The following WFDC9 variants were observed in gnomAD, a reference collection of about 807,000 sequenced individuals.
WFDC9 encodes the protein WAP four-disulfide core domain 9, also known as protein WFDC9.
In WFDC9, 9 loss-of-function variants were observed where a neutral mutation model predicts 9.5. The ratio of observed to expected loss-of-function variants is 0.95; its 90% CI spans 0.57 to 1.65. WFDC9 has a LOEUF of 1.65. WFDC9 is among the 40% of genes most tolerant of loss of function. The pLI, the probability that WFDC9 is intolerant of heterozygous loss-of-function variation, is 0.00. For synonymous variants in WFDC9, 33 were observed against 32.3 expected (o/e 1.02, Z -0.07); for missense variants, 87 against 106.7 (o/e 0.82, Z 0.81).
At chr20:45,618,695 G>A (rs1162107640) in intron 1 of WFDC9, among the ~76,000 whole-genome samples, 1 of 150,890 alleles carries the variant, frequency 6.6e-6, no homozygotes, top group African/African-American at 2.4e-5. Context: ...GGGCACAGCT[G>A]GTGGCACTCC....
chr20:45,616,137 A>G (rs1981971423), intron 1 of WFDC9, among the ~76,000 whole-genome samples: 2 of 152,218 alleles, frequency 1.3e-5, no homozygotes, highest in South Asian at 2.1e-4. Flanking sequence ...ATAGCATTTT[A>G]TACACAATAG....
At chr20:45,612,276 CTG>C (rs1249853392) in intron 2 of WFDC9, among the ~76,000 whole-genome samples, 1 of 151,538 alleles carries the variant, frequency 6.6e-6, no homozygotes, top group Non-Finnish European at 1.5e-5. Flanking sequence ...TTCTATGCCT[CTG>C]TGTGTGGAGG....
chr20:45,629,882 C>T (rs1248673978), intron 1 of WFDC9: 2 of 1,613,682 alleles, frequency 1.2e-6, no homozygotes, highest in Admixed American at 1.7e-5. Context: ...AGGGAGGATA[C>T]CGTGACAAGA....
rs760378745 is a variant in WFDC9 at position 45,610,178 on chromosome 20, T to C, written c.4A>G (p.Lys2Glu). 1 of 1,613,990 alleles carries C rather than the reference T, an allele frequency of 6.2e-7. No homozygotes were observed. Among genetic ancestry groups the C allele is most frequent in the South Asian group, 1.1e-5 (1 of 91,052 alleles). The change falls in exon 3 of 5, where the codon AAG becomes GAG. Residue 2 changes from lysine (K) to glutamate (E), a missense_variant. Lys to Glu is a moderately conservative substitution (Grantham distance 56). Coordinates refer to ENST00000326000, the MANE Select transcript of WFDC9 (RefSeq NM_147198.4). Reference protein sequence around the residue: MKPWILLLVMFI... With the variant: MEPWILLLVMFI... Reference sequence around the variant, plus strand: ...ATGACGAGTAGAAGAATCCAGGGCTTCATGGTGCTCTCTGTGTGTATTTGG... The same window carrying C: ...ATGACGAGTAGAAGAATCCAGGGCTCCATGGTGCTCTCTGTGTGTATTTGG...
intron 1 of WFDC9, among the ~76,000 whole-genome samples, chr20:45,624,517 G>C (rs535687142): frequency 1.2e-4 from 18 of 152,290 alleles, no homozygotes; most frequent in Non-Finnish European, 2.2e-4. Flanking sequence ...GAATAGTGCT[G>C]CAATAAACAT....
chr20:45,620,780 ATAT>A (rs1982081350), intron 1 of WFDC9, among the ~76,000 whole-genome samples: 2 of 151,914 alleles, frequency 1.3e-5, no homozygotes, highest in Admixed American at 6.7e-5. Flanking sequence ...AATGTTAATT[ATAT>A]TATGATATTT....
At chr20:45,624,375 T>C (rs1030719465) in intron 1 of WFDC9, among the ~76,000 whole-genome samples, 6 of 152,230 alleles carry the variant, frequency 3.9e-5, no homozygotes, top group Non-Finnish European at 8.8e-5. Flanking sequence ...GTTTCAGCCA[T>C]GGTGCCATGA....
intron 1 of WFDC9, among the ~76,000 whole-genome samples, chr20:45,615,332 AT>A (rs1308357540): frequency 6.6e-6 from 1 of 152,166 alleles, no homozygotes; most frequent in Non-Finnish European, 1.5e-5. Context: ...AATACACATG[AT>A]TTGGAGATCA....
At chr20:45,629,944 T>G in intron 1 of WFDC9, 1 of 1,569,572 alleles carries the variant, frequency 6.4e-7, no homozygotes, top group Non-Finnish European at 8.7e-7. Context: ...GGGAATTGGG[T>G]AGGGGGAATG....
chr20:45,628,340 G>A (rs1213915075), intron 1 of WFDC9, among the ~76,000 whole-genome samples: 2 of 152,164 alleles, frequency 1.3e-5, no homozygotes, highest in Admixed American at 6.5e-5. Context: ...TACTGAGCTG[G>A]TGGAAAAGAA....
intron 1 of WFDC9, among the ~76,000 whole-genome samples, chr20:45,615,236 A>C (rs1330658490): frequency 6.6e-6 from 1 of 152,180 alleles, no homozygotes; most frequent in Non-Finnish European, 1.5e-5. Flanking sequence ...CAAATCCAGC[A>C]CCAAGTTCTT....
intron 1 of WFDC9, among the ~76,000 whole-genome samples, chr20:45,625,381 G>T (rs1055355281): frequency 6.6e-6 from 1 of 152,162 alleles, no homozygotes; most frequent in African/African-American, 2.4e-5. Context: ...CAAATACTTT[G>T]AAAATATTTT....
intron 2 of WFDC9, among the ~76,000 whole-genome samples, chr20:45,612,516 A>T (rs1485728542): frequency 6.6e-6 from 1 of 152,186 alleles, no homozygotes; most frequent in Non-Finnish European, 1.5e-5. Context: ...GGAAGAAAAT[A>T]AAATAGCCTT....
At chr20:45,608,196 A>G (rs1981771714) in intron 4 of WFDC9, 56 bp from the exon 5 acceptor site, 1 of 1,551,900 alleles carries the variant, frequency 6.4e-7, no homozygotes, top group African/African-American at 1.4e-5. Context: ...CCATTTCTAA[A>G]ATTAATAGCA....
At chr20:45,613,309 A>G (rs1042084355) in intron 2 of WFDC9, among the ~76,000 whole-genome samples, 1 of 152,220 alleles carries the variant, frequency 6.6e-6, no homozygotes, top group Non-Finnish European at 1.5e-5. Context: ...AGAAAGTTCT[A>G]CTGAACAATG....
intron 1 of WFDC9, among the ~76,000 whole-genome samples, chr20:45,617,831 A>G (rs889049360): frequency 6.6e-6 from 1 of 152,222 alleles, no homozygotes; most frequent in Non-Finnish European, 1.5e-5. Context: ...TAACATAAAC[A>G]TTTGATTAAC....
chr20:45,621,942 C>G (rs995225962), intron 1 of WFDC9, among the ~76,000 whole-genome samples: 1 of 152,178 alleles, frequency 6.6e-6, no homozygotes, highest in African/African-American at 2.4e-5. Context: ...TAGTAAAGCA[C>G]TGAACCTGGG....
Position 45,611,456 on chromosome 20 carries a change from T to A in WFDC9, c.-58-1217A>T, listed in dbSNP as rs142648601. 2.4e-4 allele frequency among the ~76,000 whole-genome samples: 36 copies of A among 152,286 alleles called. No homozygotes were observed. The East Asian group carries it at 6.6e-3, about 28-fold the overall frequency. On this transcript the variant is annotated intron_variant, in intron 2 of 4. Coordinates refer to ENST00000326000, the MANE Select transcript of WFDC9 (RefSeq NM_147198.4). The stretch of plus-strand genomic sequence containing the variant: ...GATGTTTCATGACTGGAGAATCACA[T>A]AAAATTTGTGGAGACCTACCTAAAT...
intron 1 of WFDC9, among the ~76,000 whole-genome samples, chr20:45,629,059 G>A (rs1982288720): frequency 6.6e-6 from 1 of 152,092 alleles, no homozygotes; most frequent in Non-Finnish European, 1.5e-5. Flanking sequence ...TTCTCCACTA[G>A]CCCTTCTGTC....
Sources: allele counts gnomAD v4.1 joint callset (sites outside exome capture counted in the v4.1 genomes callset), GRCh38; gene constraint gnomAD v4.1.1; transcripts MANE v1.5; gene names NCBI Gene and HGNC (gene_info 2026-07-23, HGNC 2026-07-21).